KCNH1: variants seen among roughly 807,000 people sequenced by gnomAD.
KCNH1 encodes potassium voltage-gated channel subfamily H member 1, also known as voltage-gated delayed rectifier potassium channel KCNH1.
Under a neutral mutation model 69.2 loss-of-function variants are expected in KCNH1, and 27 were observed. That is an observed-to-expected ratio of 0.39 (90% CI 0.29 to 0.54). The LOEUF (loss-of-function observed/expected upper bound fraction) is 0.54, where lower values mean the gene tolerates loss of function less well. Ranked by LOEUF, KCNH1 falls within the 20% of genes least tolerant of loss-of-function variation. KCNH1 has a pLI of 0.68. For synonymous variants in KCNH1, 456 were observed against 487.7 expected, an observed-to-expected ratio of 0.93 and a Z score of 0.86; for missense variants, 798 against 1,261.6, an observed-to-expected ratio of 0.63 and a Z score of 5.57.
chr1:211,126,285 C>T (rs748961010), intron 1 of KCNH1, among the ~76,000 whole-genome samples: 45 of 152,032 alleles, frequency 3.0e-4, no homozygotes, highest in African/African-American at 7.2e-4. Context: ...CTGAGGCGGG[C>T]GGATCACAAG....
chr1:210,775,508 T>C lies in KCNH1; in HGVS notation c.1952A>G (p.Glu651Gly). 1 of 1,614,010 alleles carries C rather than the reference T, an allele frequency of 6.2e-7. No homozygotes were observed. Among genetic ancestry groups the C allele is most frequent in the Non-Finnish European group, 8.5e-7 (1 of 1,179,930 alleles). Residue 651 changes from glutamate (E) to glycine (G), a missense_variant, in exon 10 of 11, where the codon GAA (glutamate) becomes GGA (glycine). By Grantham distance (98) the Glu-to-Gly change is moderately conservative (BLOSUM62 -2). This residue lies in a region of KCNH1 where 197 missense variants were observed against 407.7 expected (regional missense o/e 0.48). Coordinates refer to ENST00000271751, the MANE Select transcript of KCNH1 (RefSeq NM_172362.3). ...GGCACAGGACTGGGCAAGGGTGGCT[T>C]CCTTCCAGAACACATCTCCAAACAC... ...GDVFGDVFWK[E>G]ATLAQSCANV...
At chr1:210,876,715 A>C (rs1221216586) in intron 7 of KCNH1, among the ~76,000 whole-genome samples, 2 of 152,096 alleles carry the variant, frequency 1.3e-5, no homozygotes, top group Non-Finnish European at 2.9e-5. Context: ...AAACCAGTGC[A>C]ATCCCTGTTC....
rs1422890402 is a variant in KCNH1, at chr1:210,684,079, C to A, written c.2172G>T (p.Lys724Asn). Reference protein sequence around the residue: ...KREEEERMKRKNEAPLILPPD... With the variant: ...KREEEERMKRNNEAPLILPPD... ...GGGGCAAGATCAGGGGGGCCTCATTCTTTCGTTTCATGCGTTCTTCCTCTT... is the reference window on the plus strand; with the variant it reads ...GGGGCAAGATCAGGGGGGCCTCATTATTTCGTTTCATGCGTTCTTCCTCTT... Residue 724 changes from lysine to asparagine, a missense_variant, in exon 11 of 11, where the codon AAG becomes AAT. Lys to Asn is a moderately conservative substitution (Grantham distance 94). Around this residue, in one of 4 missense-constraint regions of KCNH1, gnomAD observed 331 missense variants for 363.2 expected, o/e 0.91. Coordinates refer to ENST00000271751, the MANE Select transcript of KCNH1 (RefSeq NM_172362.3). 6.6e-7 allele frequency: 1 copy of A among 1,519,432 alleles called. No homozygotes were observed. The highest frequency in any genetic ancestry group is 8.8e-7 in the Non-Finnish European group (1 of 1,133,994). 94.1% of individuals were successfully genotyped at this position (1,519,432 alleles called of 1,614,324 possible). A position where few individuals can be genotyped will look rare whatever the true frequency, so the allele number is the denominator to read the frequency against.
rs557037230 is a variant in KCNH1 at position 210,704,747 on chromosome 1, T to G, written c.2113-20609A>C. Among the ~76,000 whole-genome samples the G allele has an allele frequency of 3.9e-5, 6 of 152,334 alleles. 1 individual carries two copies. The South Asian group carries it at 1.2e-3, about 32-fold the overall frequency. ...ATATACCTCAGTAGCCAAACCTGTA[T>G]CTAATCATCTAACAGTAAATTTATA... On this transcript the variant is annotated intron_variant, in intron 10 of 10. Transcript: ENST00000271751.
intron 7 of KCNH1, among the ~76,000 whole-genome samples, chr1:210,877,398 T>A (rs1443692221): frequency 6.6e-6 from 1 of 152,112 alleles, no homozygotes; most frequent in African/African-American, 2.4e-5. Context: ...GGATGGATGA[T>A]GCTGAAATCT....
Position 210,744,437 on chromosome 1 carries a change from A to T in KCNH1, c.2112+30911T>A, listed in dbSNP as rs754223982. Among the ~76,000 whole-genome samples, 47 of 152,274 alleles carry T rather than the reference A, an allele frequency of 3.1e-4. 1 individual carries two copies. Among genetic ancestry groups the T allele is most frequent in the South Asian group, 1.5e-3 (7 of 4,826 alleles). Reference sequence around the variant, plus strand: ...TAGGCAGGCGGATCACGAGGTCAGGAGTTCAAGACTAGCCTGACCAACATA... The same window carrying T: ...TAGGCAGGCGGATCACGAGGTCAGGTGTTCAAGACTAGCCTGACCAACATA... On this transcript the variant is annotated intron_variant, in intron 10 of 10. Transcript: ENST00000271751.
chr1:210,778,940 G>T (rs776145699), intron 9 of KCNH1, among the ~76,000 whole-genome samples: 15 of 152,140 alleles, frequency 9.9e-5, no homozygotes, highest in Non-Finnish European at 2.1e-4. Context: ...GCATGGGCAT[G>T]TAATTACCCA....
At chr1:210,715,661 T>C (rs1289876237) in intron 10 of KCNH1, among the ~76,000 whole-genome samples, 1 of 152,202 alleles carries the variant, frequency 6.6e-6, no homozygotes, top group East Asian at 1.9e-4. Flanking sequence ...TAAATAATCA[T>C]GAGTTGCTAT....
At chr1:210,791,301 C>T (rs1390530916) in intron 9 of KCNH1, among the ~76,000 whole-genome samples, 7 of 152,192 alleles carry the variant, frequency 4.6e-5, no homozygotes, top group Non-Finnish European at 8.8e-5. Context: ...CAATGTTTCT[C>T]AAAGTGCAGT....
intron 10 of KCNH1, among the ~76,000 whole-genome samples, chr1:210,772,773 A>AT: frequency 6.6e-6 from 1 of 152,110 alleles, no homozygotes; most frequent in African/African-American, 2.4e-5. Context: ...GGGAGCTCTG[A>AT]TTTTTTTCAA....
intron 1 of KCNH1, among the ~76,000 whole-genome samples, chr1:211,116,212 TC>T (rs760095122): frequency 1.3e-5 from 2 of 152,232 alleles, no homozygotes; most frequent in East Asian, 3.9e-4. Context: ...AATGCTAAAC[TC>T]ATTCAAAAAC....
At chr1:210,688,862 G>T (rs1281732296) in intron 10 of KCNH1, among the ~76,000 whole-genome samples, 1 of 152,196 alleles carries the variant, frequency 6.6e-6, no homozygotes, top group African/African-American at 2.4e-5. Context: ...ACTGCAAAAG[G>T]CCCAGCCCTG....
chr1:211,028,606 G>T (rs1203850593), intron 5 of KCNH1, among the ~76,000 whole-genome samples: 1 of 151,758 alleles, frequency 6.6e-6, no homozygotes, highest in Non-Finnish European at 1.5e-5. Flanking sequence ...ATGGAAAAGA[G>T]AATATCACTA....
chr1:210,905,935 TCCTAAATC>T (rs1687093432), intron 7 of KCNH1, among the ~76,000 whole-genome samples: 1 of 152,196 alleles, frequency 6.6e-6, no homozygotes, highest in Non-Finnish European at 1.5e-5. Flanking sequence ...TTTTCATTCT[TCCTAAATC>T]AAATCCACTT....
At chr1:210,881,231 G>A (rs1574314483) in intron 7 of KCNH1, among the ~76,000 whole-genome samples, 1 of 152,114 alleles carries the variant, frequency 6.6e-6, no homozygotes, top group South Asian at 2.1e-4. Context: ...TTGAGCCCCT[G>A]AGCTCAAGTA....
rs770031967 is a variant in KCNH1 at position 210,683,617 on chromosome 1, G to C, written c.2634C>G (p.Asp878Glu). ...TCTTGGTGATGCCACTGTCACACGAGTCTGTCTTCTTCAGTGTGGCCTCGC... is the reference window on the plus strand; with the variant it reads ...TCTTGGTGATGCCACTGTCACACGACTCTGTCTTCTTCAGTGTGGCCTCGC... Reference protein sequence around the residue: ...ASGEATLKKTDSCDSGITKSD... With the variant: ...ASGEATLKKTESCDSGITKSD... The change falls in exon 11 of 11, where the codon GAC becomes GAG. Residue 878 changes from aspartate (D) to glutamate (E), a missense_variant. Physicochemically the swap from Asp to Glu is conservative, Grantham distance 45. This residue lies in a region of KCNH1 where 331 missense variants were observed against 363.2 expected (regional missense o/e 0.91). Transcript: ENST00000271751. This position sits in a 1 kb window ranked among gnomAD's most constrained non-coding sequence, Gnocchi z 5.7. 1.9e-6 allele frequency: 3 copies of C among 1,614,200 alleles called. No homozygotes were observed. Among genetic ancestry groups the C allele is most frequent in the Non-Finnish European group, 2.5e-6 (3 of 1,180,044 alleles).
rs930187156 is a variant in KCNH1, at chr1:210,737,022, T to G, written c.2112+38326A>C. Among the ~76,000 whole-genome samples, 10 of 152,200 alleles carry G rather than the reference T, an allele frequency of 6.6e-5. No homozygotes were observed. In the South Asian group the frequency reaches 1.0e-3, roughly 16 times the overall value. On this transcript the variant is annotated intron_variant, in intron 10 of 10. Coordinates refer to ENST00000271751, the MANE Select transcript of KCNH1 (RefSeq NM_172362.3). ...TTGCTAAAGGAGGTTGTAGCTGCTTTCTGGTAAAGGAACAAAGCAAAGAAG... is the reference window on the plus strand; with the variant it reads ...TTGCTAAAGGAGGTTGTAGCTGCTTGCTGGTAAAGGAACAAAGCAAAGAAG...
chr1:210,963,399 C>T (rs1244157992), intron 6 of KCNH1, among the ~76,000 whole-genome samples: 2 of 152,084 alleles, frequency 1.3e-5, no homozygotes, highest in Non-Finnish European at 2.9e-5. Flanking sequence ...GATCACAACT[C>T]CTCACCAGCG....
At chr1:210,699,580 C>T (rs1265613872) in intron 10 of KCNH1, among the ~76,000 whole-genome samples, 1 of 152,200 alleles carries the variant, frequency 6.6e-6, no homozygotes, top group African/African-American at 2.4e-5. Context: ...AGAAGCTGGA[C>T]AGAAGGTGGC....
Sources: allele counts gnomAD v4.1 joint callset (sites outside exome capture counted in the v4.1 genomes callset), GRCh38; gene constraint gnomAD v4.1.1; regional missense constraint gnomAD v4.1.1; non-coding constraint Gnocchi (gnomAD v3.1); transcripts MANE v1.5; gene names NCBI Gene and HGNC (gene_info 2026-07-23, HGNC 2026-07-21).